RHBDL2: variants seen among roughly 807,000 people sequenced by gnomAD.
The protein encoded by RHBDL2 is rhomboid-related protein 2.
Under a neutral mutation model 31.7 loss-of-function variants are expected in RHBDL2, and 26 were observed. The observed-to-expected ratio is 0.82, with a 90% CI of 0.60 to 1.14. The LOEUF is 1.14. Among genes scored for constraint, RHBDL2 ranks in the 50% most tolerant of loss-of-function variants. The pLI is 0.00. For missense variants in RHBDL2, 336 were observed against 364.4 expected, an observed-to-expected ratio of 0.92 and a Z score of 0.63; for synonymous variants, 123 against 127.2, an observed-to-expected ratio of 0.97 and a Z score of 0.22.
chr1:38,892,445 C>T (rs1243897954), intron 6 of RHBDL2, among the ~76,000 whole-genome samples: 1 of 152,042 alleles, frequency 6.6e-6, no homozygotes, highest in Non-Finnish European at 1.5e-5. Flanking sequence ...TCTTGGCTTC[C>T]CCCACTCCAT....
At chr1:38,907,279 C>A (rs1643078878) in intron 4 of RHBDL2, among the ~76,000 whole-genome samples, 1 of 152,226 alleles carries the variant, frequency 6.6e-6, no homozygotes, top group African/African-American at 2.4e-5. Context: ...GTGGCTCATG[C>A]CTGTAATCCC....
At chr1:38,916,521 T>C (rs1643236816) in intron 2 of RHBDL2, among the ~76,000 whole-genome samples, 2 of 152,120 alleles carry the variant, frequency 1.3e-5, no homozygotes, top group African/African-American at 4.8e-5. Flanking sequence ...TAGTTAGGAA[T>C]ATGCCAATGT....
chr1:38,912,844 GA>G (rs1643167888), intron 3 of RHBDL2, among the ~76,000 whole-genome samples: 1 of 143,950 alleles, frequency 6.9e-6, no homozygotes, highest in African/African-American at 2.7e-5. Flanking sequence ...TACACCTGAG[GA>G]AACTAAAGGA....
rs1570946272 is a variant in RHBDL2 at position 38,938,107 on chromosome 1, TC to T, written c.-126+3574del. Among the ~76,000 whole-genome samples the T allele has an allele frequency of 2.6e-5, 4 of 152,066 alleles. No homozygotes were observed. The East Asian group carries it at 7.7e-4, about 29-fold the overall frequency. On this transcript the variant is annotated intron_variant, in intron 1 of 7. Transcript: ENST00000372990. The stretch of plus-strand genomic sequence containing the variant: ...ATCTTGACTCACTACAACCTCTGCC[TC>T]CTGGGTTCAAGCGATTCTCCTCCCT...
chr1:38,908,260 C>A (rs1643093638), intron 4 of RHBDL2, among the ~76,000 whole-genome samples: 2 of 151,582 alleles, frequency 1.3e-5, no homozygotes, highest in Non-Finnish European at 2.9e-5. Flanking sequence ...TGCCTGTAAT[C>A]CCAGCACTTT....
chr1:38,892,799 C>T (rs144939432), intron 6 of RHBDL2, among the ~76,000 whole-genome samples: 1 of 152,230 alleles, frequency 6.6e-6, no homozygotes, highest in African/African-American at 2.4e-5. Context: ...GCCCAGCTGC[C>T]GAAACTACCT....
chr1:38,934,957 C>A (rs374781466), intron 1 of RHBDL2, among the ~76,000 whole-genome samples: 30 of 148,488 alleles, frequency 2.0e-4, no homozygotes, highest in South Asian at 2.1e-4. Flanking sequence ...GGCTCAGTCG[C>A]AAAAAAAAAA....
At chr1:38,894,697 C>CTTTTCTTTTCTTTTTTT (rs1557608827) in intron 5 of RHBDL2, among the ~76,000 whole-genome samples, 2 of 67,372 alleles carry the variant, frequency 3.0e-5, no homozygotes, top group Non-Finnish European at 3.9e-5. Flanking sequence ...TCTTTTTTTT[C>CTTTTCTTTTCTTTTTTT]TTTTTTTTTC....
chr1:38,893,583 ATT>A, intron 5 of RHBDL2, among the ~76,000 whole-genome samples: 1 of 152,312 alleles, frequency 6.6e-6, no homozygotes, highest in Admixed American at 6.5e-5. Context: ...GTTAATATTC[ATT>A]TGATGTTTCT....
chr1:38,919,016 G>C lies in RHBDL2; in HGVS notation c.197C>G (p.Ala66Gly). The C allele has an allele frequency of 6.2e-7, 1 of 1,614,100 alleles. No homozygotes were observed. The change falls in exon 2 of 8, where the codon GCT becomes GGT. Residue 66 changes from alanine (A) to glycine (G), a missense_variant. Ala to Gly is a moderately conservative substitution (Grantham distance 60). Coordinates refer to ENST00000372990, the MANE Select transcript of RHBDL2 (RefSeq NM_017821.5). ...EKSRGTYLER[A>G]NCFPPPVFII... The stretch of plus-strand genomic sequence containing the variant: ...GAACACGGGAGGCGGGAAGCAGTTA[G>C]CTCTCTCCAAGTATGTTCCTCGGGA...
At chr1:38,916,742 A>G (rs1369719339) in intron 2 of RHBDL2, among the ~76,000 whole-genome samples, 1 of 151,450 alleles carries the variant, frequency 6.6e-6, no homozygotes, top group Non-Finnish European at 1.5e-5. Flanking sequence ...GTGGTGGTGC[A>G]CACCTGTAAT....
chr1:38,904,834 A>AT (rs1487262491), intron 4 of RHBDL2, among the ~76,000 whole-genome samples: 1 of 147,534 alleles, frequency 6.8e-6, no homozygotes, highest in African/African-American at 2.5e-5. Flanking sequence ...TATCGAGACC[A>AT]TCCTGGCTAA....
rs1366841996 is a variant in RHBDL2, at chr1:38,920,170, T to TC, written c.-125-834_-125-833insG. Among the ~76,000 whole-genome samples the TC allele has an allele frequency of 1.4e-3, 198 of 143,296 alleles. 1 individual carries two copies. The highest frequency in any genetic ancestry group is 4.8e-3 in the African/African-American group (184 of 38,204). 94.0% of individuals were successfully genotyped at this position (143,296 alleles called of 152,430 possible). A position where few individuals can be genotyped will look rare whatever the true frequency, so the allele number is the denominator to read the frequency against. On this transcript the variant is annotated intron_variant, in intron 1 of 7. Coordinates refer to ENST00000372990, the MANE Select transcript of RHBDL2 (RefSeq NM_017821.5). ...TTGGCTTCCTTCACATGTTTTCTTT[T>TC]TTTTTTTTTTTTTTTGAGATGTAGT...
At chr1:38,934,722 C>T (rs1002424249) in intron 1 of RHBDL2, among the ~76,000 whole-genome samples, 7 of 141,798 alleles carry the variant, frequency 4.9e-5, no homozygotes, top group Admixed American at 2.1e-4. Flanking sequence ...TTTTGGGGGG[C>T]CGAGGCGGGC....
At chr1:38,904,757 C>A (rs978609337) in intron 4 of RHBDL2, among the ~76,000 whole-genome samples, 1 of 149,816 alleles carries the variant, frequency 6.7e-6, no homozygotes, top group Non-Finnish European at 1.5e-5. Flanking sequence ...ATTGGCCGGG[C>A]GCGGTGGCTC....
At chr1:38,887,095 C>CAAA (rs879591453) in intron 7 of RHBDL2, among the ~76,000 whole-genome samples, 2,779 of 152,208 alleles carry the variant, frequency 0.018, 91 homozygotes, top group African/African-American at 0.063. Context: ...CAAGAAATAC[C>CAAA]CAAACAGAAA....
At chr1:38,911,289 G>T in intron 4 of RHBDL2, 33 bp downstream of exon 4, 1 of 1,383,108 alleles carries the variant, frequency 7.2e-7, no homozygotes, top group Non-Finnish European at 1.0e-6. Context: ...AGAGCCCAGA[G>T]GTATTGATTC....
At position 38,915,470 on chromosome 1, in the gene RHBDL2, G is replaced by C. The variant is rs904084379; in HGVS notation, c.395+92C>G. 4.0e-5 allele frequency: 52 copies of C among 1,298,032 alleles called. No individual in the cohort carries two copies. The African/African-American group carries it at 7.2e-4, about 18-fold the overall frequency. 80.4% of individuals were successfully genotyped at this position (1,298,032 alleles called of 1,614,324 possible). A position where few individuals can be genotyped will look rare whatever the true frequency, so the allele number is the denominator to read the frequency against. On this transcript the variant is annotated intron_variant, in intron 3 of 7. Transcript: ENST00000372990. ...TGCTGTGAAGATTATGGACATGAAA[G>C]TGCCTTATCAATAATAAAGCACTCA...
intron 1 of RHBDL2, among the ~76,000 whole-genome samples, chr1:38,928,178 G>A (rs780784165): frequency 9.1e-5 from 9 of 99,294 alleles, no homozygotes; most frequent in Non-Finnish European, 1.3e-4. Flanking sequence ...GTCTCGCTTT[G>A]TCGCCCAGGC....
Sources: gnomAD v4.1 joint callset for allele counts (sites outside exome capture counted in the v4.1 genomes callset) on GRCh38, gnomAD v4.1.1 for gene constraint, MANE v1.5 for transcripts, NCBI Gene and HGNC (gene_info 2026-07-23, HGNC 2026-07-21) for gene names.